The following RPH3AL variants were observed in gnomAD, a reference collection of about 807,000 sequenced individuals.
RPH3AL encodes rabphilin 3A like (without C2 domains), also known as rab effector Noc2.
A neutral mutation model predicts 43.1 loss-of-function variants in RPH3AL; 38 were observed. The observed-to-expected ratio is 0.88, with a 90% confidence interval of 0.68 to 1.15. The LOEUF is 1.15. Among genes scored for constraint, RPH3AL ranks in the 50% most tolerant of loss-of-function variants. RPH3AL has a pLI of 0.00. For synonymous variants in RPH3AL, 189 were observed against 176.3 expected (o/e 1.07, Z -0.57); for missense variants, 462 against 423.2 (o/e 1.09, Z -0.81).
At chr17:239,429 T>C (rs960398279) in intron 7 of RPH3AL, among the ~76,000 whole-genome samples, 3 of 152,230 alleles carry the variant, frequency 2.0e-5, no homozygotes, top group African/African-American at 7.2e-5. Flanking sequence ...AAGTGACTTA[T>C]GGTTGGCGTC....
intron 2 of RPH3AL, chr17:332,779 G>A: frequency 3.2e-6 from 1 of 312,042 alleles, no homozygotes; most frequent in Non-Finnish European, 6.4e-6. Flanking sequence ...GCCCCCAGGA[G>A]CCTCCTCTGG....
At position 215,443 on chromosome 17, in the gene RPH3AL, G is replaced by C. The variant is rs1377246609; in HGVS notation, c.876+211C>G. Among the ~76,000 whole-genome samples, 2 of 152,210 alleles carry C rather than the reference G, an allele frequency of 1.3e-5. No homozygotes were observed. The highest frequency in any genetic ancestry group is 2.4e-5 in the African/African-American group (1 of 41,452). On this transcript the variant is annotated intron_variant, in intron 9 of 9. Coordinates refer to ENST00000331302, the MANE Select transcript of RPH3AL (RefSeq NM_006987.4). The surrounding 1 kb of genome is among the most constrained non-coding windows in gnomAD (Gnocchi z 4.1). ...CTGCTGTGATTACCGAGAGTGGCTA[G>C]GGATGGCTACCATTATCATTCTGGG...
intron 2 of RPH3AL, chr17:332,848 G>C: frequency 2.3e-6 from 1 of 434,158 alleles, no homozygotes; most frequent in Non-Finnish European, 4.0e-6. Context: ...CTGAGCAGAG[G>C]CAGCACTCGG....
chr17:235,481 T>C lies in RPH3AL; in HGVS notation c.613+11630A>G, dbSNP rs71372183. Among the ~76,000 whole-genome samples, 142 of 82,694 alleles carry C rather than the reference T, an allele frequency of 1.7e-3. 2 individuals carry two copies. Among genetic ancestry groups the C allele is most frequent in the Middle Eastern group, 0.011 (1 of 88 alleles). 54.3% of individuals were successfully genotyped at this position (82,694 alleles called of 152,430 possible). A position where few individuals can be genotyped will look rare whatever the true frequency, so the allele number is the denominator to read the frequency against. On this transcript the variant is annotated intron_variant, in intron 7 of 9. Transcript: ENST00000331302. Reference sequence around the variant, plus strand: ...TCAAAGCTGGGGTCGGCCGAGGCTCTGCACTAACAAGACGGATCCAGGGTT... The same window carrying C: ...TCAAAGCTGGGGTCGGCCGAGGCTCCGCACTAACAAGACGGATCCAGGGTT...
rs9909445 is a variant in RPH3AL, at chr17:283,174, G to A, written c.352-1320C>T. On this transcript the variant is annotated intron_variant, in intron 5 of 9. Transcript: ENST00000331302. The surrounding 1 kb of genome is among the most constrained non-coding windows in gnomAD (Gnocchi z 4.2). ...GGGTGGGGGCTCTCTGCAGCCCCCC[G>A]CCGAGGGAAGGTTGCATCTGTTGCT... 0.16 allele frequency among the ~76,000 whole-genome samples: 24,929 copies of A among 152,126 alleles called. 2,380 individuals are homozygous for A. Among genetic ancestry groups the A allele is most frequent in the African/African-American group, 0.27 (11,223 of 41,488 alleles).
At chr17:351,089 TC>T (rs1374653904) in intron 1 of RPH3AL, among the ~76,000 whole-genome samples, 1 of 152,054 alleles carries the variant, frequency 6.6e-6, no homozygotes, top group Non-Finnish European at 1.5e-5. Context: ...ACCCACGGCC[TC>T]CCCACAGAGG....
At chr17:310,488 GC>G (rs1389726869) in intron 5 of RPH3AL, among the ~76,000 whole-genome samples, 1 of 152,112 alleles carries the variant, frequency 6.6e-6, no homozygotes, top group African/African-American at 2.4e-5. Context: ...CCCTTCTCCA[GC>G]CTGCCCAAGC....
At chr17:339,444 C>T (rs1327523596) in intron 1 of RPH3AL, 1 of 152,206 alleles carries the variant, frequency 6.6e-6, no homozygotes, top group Non-Finnish European at 1.5e-5. Flanking sequence ...CCTACACGTG[C>T]CCAGCCTGAC....
At chr17:219,432 C>T (rs781773089) in intron 8 of RPH3AL, among the ~76,000 whole-genome samples, 191 bp downstream of exon 8, 4 of 151,174 alleles carry the variant, frequency 2.6e-5, no homozygotes, top group Non-Finnish European at 4.4e-5. Context: ...CTCCTGACCT[C>T]ATGATCTGCC....
chr17:307,278 A>T (rs1286120336), intron 5 of RPH3AL, among the ~76,000 whole-genome samples: 3 of 15,454 alleles, frequency 1.9e-4, no homozygotes, highest in Non-Finnish European at 2.6e-4. Context: ...CGGCAGGTCC[A>T]TCCCGCGGCA....
At chr17:349,929 C>T (rs2045320435) in intron 1 of RPH3AL, among the ~76,000 whole-genome samples, 1 of 152,206 alleles carries the variant, frequency 6.6e-6, no homozygotes, top group African/African-American at 2.4e-5. Context: ...GCCCAGCACA[C>T]CACAGGGACA....
intron 7 of RPH3AL, among the ~76,000 whole-genome samples, chr17:242,270 C>CT (rs1238809983): frequency 1.5e-5 from 2 of 132,288 alleles, no homozygotes; most frequent in Non-Finnish European, 3.3e-5. Flanking sequence ...TATTGATTAC[C>CT]TTCCTCTATT....
chr17:262,629 A>G (rs1251308959), intron 6 of RPH3AL, among the ~76,000 whole-genome samples: 1 of 152,198 alleles, frequency 6.6e-6, no homozygotes, highest in African/African-American at 2.4e-5. Context: ...ATTCAAGGCC[A>G]GCCTGGCCAA....
intron 6 of RPH3AL, among the ~76,000 whole-genome samples, chr17:268,207 C>A (rs557248244): frequency 5.9e-5 from 9 of 152,240 alleles, no homozygotes; most frequent in Non-Finnish European, 1.3e-4. Flanking sequence ...GAAAGCAACC[C>A]CTCCTCTTCC....
intron 5 of RPH3AL, among the ~76,000 whole-genome samples, chr17:312,193 C>T (rs905932610): frequency 1.3e-5 from 2 of 152,006 alleles, no homozygotes; most frequent in Non-Finnish European, 2.9e-5. Context: ...CTCAGCTGCC[C>T]GGGAAGCTGG....
At chr17:326,078 G>A (rs2044612287) in intron 3 of RPH3AL, among the ~76,000 whole-genome samples, 1 of 152,236 alleles carries the variant, frequency 6.6e-6, no homozygotes, top group East Asian at 1.9e-4. Flanking sequence ...GAGCACAGTG[G>A]CGGAGCTCTC....
chr17:236,284 C>G (rs1463472635), intron 7 of RPH3AL, among the ~76,000 whole-genome samples: 2 of 152,186 alleles, frequency 1.3e-5, no homozygotes, highest in African/African-American at 2.4e-5. Flanking sequence ...GCAAAACACT[C>G]AGTTCTGTGG....
intron 1 of RPH3AL, among the ~76,000 whole-genome samples, chr17:347,673 G>T (rs1169757262): frequency 6.6e-6 from 1 of 152,134 alleles, no homozygotes; most frequent in African/African-American, 2.4e-5. Context: ...ACATTCCTTG[G>T]TATATGCAAA....
chr17:220,736 G>T (rs868569608), intron 7 of RPH3AL, among the ~76,000 whole-genome samples: 3 of 47,488 alleles, frequency 6.3e-5, no homozygotes, highest in African/African-American at 2.2e-4. Flanking sequence ...CAGCTCTGAG[G>T]CCTCCACTCA....
Sources: gnomAD v4.1 joint callset for allele counts (sites outside exome capture counted in the v4.1 genomes callset) on GRCh38, gnomAD v4.1.1 for gene constraint, Gnocchi (gnomAD v3.1) non-coding constraint, MANE v1.5 for transcripts, NCBI Gene and HGNC (gene_info 2026-07-23, HGNC 2026-07-21) for gene names.